SMG6: variants seen among roughly 807,000 people sequenced by gnomAD.
SMG6 encodes telomerase-binding protein EST1A.
Under a neutral mutation model 142.2 loss-of-function variants are expected in SMG6, and 66 were observed. The ratio of observed to expected loss-of-function variants is 0.46; its 90% CI spans 0.38 to 0.57. The LOEUF is 0.57. SMG6 is among the 20% of genes least tolerant of loss of function. SMG6 has a pLI of 0.00. For synonymous variants in SMG6, 779 were observed against 702.4 expected, an observed-to-expected ratio of 1.11 and a Z score of -1.72; for missense variants, 1,793 against 1,832.0, an observed-to-expected ratio of 0.98 and a Z score of 0.39.
chr17:2,148,202 T>C (rs2070726292), intron 13 of SMG6, among the ~76,000 whole-genome samples: 1 of 151,886 alleles, frequency 6.6e-6, no homozygotes, highest in Non-Finnish European at 1.5e-5. Context: ...AAAAATAAAA[T>C]AAAATAAAAT....
intron 8 of SMG6, among the ~76,000 whole-genome samples, chr17:2,271,176 G>A (rs2074536236): frequency 6.7e-6 from 1 of 148,848 alleles, no homozygotes; most frequent in African/African-American, 2.5e-5. Context: ...GTGCAGTGGT[G>A]CAATCTTGGC....
At chr17:2,104,809 C>A (rs919447209) in intron 13 of SMG6, among the ~76,000 whole-genome samples, 3 of 152,110 alleles carry the variant, frequency 2.0e-5, no homozygotes. Flanking sequence ...GCTTTGAACC[C>A]AGATTTGTCT....
intron 8 of SMG6, among the ~76,000 whole-genome samples, chr17:2,281,319 A>T (rs2074780184): frequency 6.6e-6 from 1 of 151,990 alleles, no homozygotes; most frequent in Non-Finnish European, 1.5e-5. Flanking sequence ...ACAGAGACAG[A>T]AGCCTCGTTT....
intron 13 of SMG6, among the ~76,000 whole-genome samples, chr17:2,092,449 G>A (rs1018757123): frequency 1.3e-5 from 2 of 152,200 alleles, no homozygotes; most frequent in African/African-American, 4.8e-5. Context: ...CAATCAGCCA[G>A]CATTGCACAG....
chr17:2,291,719 C>G (rs550881440), intron 6 of SMG6, among the ~76,000 whole-genome samples: 2 of 94,936 alleles, frequency 2.1e-5, no homozygotes, highest in South Asian at 7.2e-4. Context: ...CAGAAAAATA[C>G]TTGTCATCCG....
At chr17:2,127,857 G>T in intron 13 of SMG6, 1 of 556,106 alleles carries the variant, frequency 1.8e-6, no homozygotes, top group South Asian at 1.4e-5. Flanking sequence ...GCTGAAGAGC[G>T]ATCTCCTGCT....
chr17:2,070,256 T>A (rs1476561298), intron 15 of SMG6, among the ~76,000 whole-genome samples: 1 of 152,192 alleles, frequency 6.6e-6, no homozygotes, highest in Non-Finnish European at 1.5e-5. Context: ...CTACAGAACA[T>A]GGCCACTACT....
intron 8 of SMG6, among the ~76,000 whole-genome samples, chr17:2,251,604 T>C (rs573348132): frequency 7.9e-4 from 120 of 152,310 alleles, no homozygotes; most frequent in Non-Finnish European, 1.1e-3. Context: ...AAACAATGCC[T>C]CTCAACTTTG....
intron 13 of SMG6, among the ~76,000 whole-genome samples, chr17:2,141,787 T>C (rs1240616600): frequency 6.6e-6 from 1 of 152,096 alleles, no homozygotes; most frequent in Non-Finnish European, 1.5e-5. Flanking sequence ...TAGAGTAAAT[T>C]CTGGGGAAGC....
chr17:2,280,321 G>A (rs2074756585), intron 8 of SMG6, among the ~76,000 whole-genome samples: 1 of 152,050 alleles, frequency 6.6e-6, no homozygotes, highest in African/African-American at 2.4e-5. Context: ...GGAGTGCAGT[G>A]GCACGATCTC....
At chr17:2,178,828 G>A (rs1249362976) in intron 12 of SMG6, among the ~76,000 whole-genome samples, 5 of 152,156 alleles carry the variant, frequency 3.3e-5, no homozygotes, top group South Asian at 2.1e-4. Context: ...TGGAGCCCTC[G>A]GCGGCCTCCC....
At chr17:2,070,317 G>C (rs2068065526) in intron 15 of SMG6, among the ~76,000 whole-genome samples, 1 of 152,192 alleles carries the variant, frequency 6.6e-6, no homozygotes, top group African/African-American at 2.4e-5. Flanking sequence ...CTGATCTGCT[G>C]GCATCTGCCC....
At chr17:2,180,514 C>T (rs751983726) in intron 12 of SMG6, among the ~76,000 whole-genome samples, 2 of 152,180 alleles carry the variant, frequency 1.3e-5, no homozygotes, top group South Asian at 4.1e-4. Flanking sequence ...AGCAATCCTG[C>T]CCTCATCACT....
At chr17:2,261,977 T>C (rs1188007372) in intron 8 of SMG6, among the ~76,000 whole-genome samples, 1 of 152,194 alleles carries the variant, frequency 6.6e-6, no homozygotes, top group Non-Finnish European at 1.5e-5. Context: ...GTTAACATAG[T>C]TTGCTTGACA....
At position 2,110,081 on chromosome 17, in the gene SMG6, CAAAAAAAAAAAAA is replaced by C. The variant is rs57135671; in HGVS notation, c.3358-24193_3358-24181del. On this transcript the variant is annotated intron_variant, in intron 13 of 18. Transcript: ENST00000263073. Reference sequence around the variant, plus strand: ...TGGGCGACAGAGTGAGATTCCATCTCAAAAAAAAAAAAAAAAAAAAAAAAGACAACACAGAACT... The same window carrying C: ...TGGGCGACAGAGTGAGATTCCATCTCAAAAAAAAAAAGACAACACAGAACT... Among the ~76,000 whole-genome samples the C allele has an allele frequency of 2.2e-4, 19 of 87,986 alleles. No individual in the cohort carries two copies. In the East Asian group the frequency reaches 4.2e-3, roughly 19 times the overall value. The allele number at this position is 87,986 out of a possible 152,430, so 57.7% of individuals were successfully genotyped here. A position where few individuals can be genotyped will look rare whatever the true frequency, so the allele number is the denominator to read the frequency against.
At position 2,236,654 on chromosome 17, in the gene SMG6, C is replaced by T; in HGVS notation, c.2724-17G>A. On this transcript the variant is annotated splice_polypyrimidine_tract_variant and intron_variant, in intron 9 of 18. Transcript: ENST00000263073. ...GTCTCCATCCTGCAGATTCAGAAAA[C>T]CCATCAATGAGGCACCTCTCTCTTT... The T allele has an allele frequency of 1.9e-6, 3 of 1,601,290 alleles. No homozygotes were observed. Among genetic ancestry groups the T allele is most frequent in the Non-Finnish European group, 2.6e-6 (3 of 1,173,360 alleles).
intron 10 of SMG6, among the ~76,000 whole-genome samples, chr17:2,216,282 T>C (rs1241110150): frequency 6.6e-6 from 1 of 151,850 alleles, no homozygotes; most frequent in Admixed American, 6.6e-5. Flanking sequence ...AGTGAGGTAA[T>C]AGGAATTTTT....
rs977269380 is a variant in SMG6 at position 2,120,597 on chromosome 17, C to T, written c.3358-34696G>A. 2.6e-5 allele frequency among the ~76,000 whole-genome samples: 4 copies of T among 152,128 alleles called. No homozygotes were observed. In the East Asian group the frequency reaches 7.7e-4, roughly 29 times the overall value. On this transcript the variant is annotated intron_variant, in intron 13 of 18. Coordinates refer to ENST00000263073, the MANE Select transcript of SMG6 (RefSeq NM_017575.5). The stretch of plus-strand genomic sequence containing the variant: ...AATGAGCCCAATGTGGTGGCACACA[C>T]CTGTAGTCTCAGCTACTTGAGAGGC...
At chr17:2,262,837 G>T (rs1417774270) in intron 8 of SMG6, among the ~76,000 whole-genome samples, 2 of 152,136 alleles carry the variant, frequency 1.3e-5, no homozygotes, top group Non-Finnish European at 2.9e-5. Context: ...GGTGCTCCAT[G>T]AATATTTATG....
Sources: gnomAD v4.1 joint callset for allele counts (sites outside exome capture counted in the v4.1 genomes callset) on GRCh38, gnomAD v4.1.1 for gene constraint, MANE v1.5 for transcripts, NCBI Gene and HGNC (gene_info 2026-07-23, HGNC 2026-07-21) for gene names.